POLR2B: variants seen among roughly 807,000 people sequenced by gnomAD.
POLR2B encodes RNA polymerase II subunit B, also known as DNA-directed RNA polymerase II subunit RPB2.
A neutral mutation model predicts 144.6 loss-of-function variants in POLR2B; 57 were observed. The observed-to-expected ratio is 0.39, with a 90% CI of 0.32 to 0.49. The LOEUF is 0.49. Among genes scored for constraint, POLR2B ranks in the 20% least tolerant of loss-of-function variants. The pLI is 0.83. For missense variants in POLR2B, 595 were observed against 1,467.4 expected, an observed-to-expected ratio of 0.41 and a Z score of 9.71; for synonymous variants, 442 against 469.8, an observed-to-expected ratio of 0.94 and a Z score of 0.77.
At chr4:57,006,733 G>A (rs1237164854) in intron 9 of POLR2B, 83 bp from the exon 10 acceptor site, 10 of 1,092,508 alleles carry the variant, frequency 9.2e-6, no homozygotes, top group South Asian at 8.1e-5. Context: ...CCTTCCCCAC[G>A]CTTTTTTTTG....
intron 1 of POLR2B, among the ~76,000 whole-genome samples, chr4:56,985,857 G>A (rs993233243): frequency 2.0e-5 from 3 of 152,202 alleles, no homozygotes; most frequent in Non-Finnish European, 4.4e-5. Context: ...CAAGGAGAGG[G>A]TGCATAGACC....
chr4:57,006,783 A>T, intron 9 of POLR2B, 33 bp from the exon 10 acceptor site: 2 of 1,531,416 alleles, frequency 1.3e-6, no homozygotes, highest in East Asian at 2.3e-5. Flanking sequence ...GTAGACCTCT[A>T]CATGTTTAAA....
At chr4:56,987,733 T>A (rs1722375929) in intron 2 of POLR2B, among the ~76,000 whole-genome samples, 2 of 151,744 alleles carry the variant, frequency 1.3e-5, no homozygotes, top group African/African-American at 4.8e-5. Context: ...AATACAAAAA[T>A]TAGATGGGTG....
chr4:56,983,898 A>G (rs1488841217), intron 1 of POLR2B, among the ~76,000 whole-genome samples: 2 of 142,172 alleles, frequency 1.4e-5, no homozygotes, highest in South Asian at 4.5e-4. Context: ...ACAGGGTCGC[A>G]CTCTCACCCA....
intron 17 of POLR2B, among the ~76,000 whole-genome samples, chr4:57,021,830 A>G (rs1359946100): frequency 6.6e-6 from 1 of 152,136 alleles, no homozygotes; most frequent in African/African-American, 2.4e-5. Flanking sequence ...GAAGTGTTTG[A>G]GTAGAACCTA....
chr4:57,028,624 T>TA (rs1723799462), intron 23 of POLR2B, among the ~76,000 whole-genome samples: 1 of 152,206 alleles, frequency 6.6e-6, no homozygotes, highest in South Asian at 2.1e-4. Context: ...TGAGTTCTGC[T>TA]AAGGTGTCAG....
At chr4:56,996,206 A>ATATGTGTGTGTGTGTG (rs71889513) in intron 6 of POLR2B, among the ~76,000 whole-genome samples, 288 of 115,312 alleles carry the variant, frequency 2.5e-3, no homozygotes, top group Middle Eastern at 4.3e-3. Flanking sequence ...ATTTCAGTTC[A>ATATGTGTGTGTGTGTG]TGTGTGTGTG....
chr4:56,994,382 A>G, intron 3 of POLR2B, 22 bp from the exon 4 acceptor site: 5 of 1,227,442 alleles, frequency 4.1e-6, no homozygotes, highest in South Asian at 2.5e-5. Flanking sequence ...TACCCTTTTC[A>G]TGTTTTTTTG....
chr4:56,997,116 A>G (rs1394571810), intron 6 of POLR2B, among the ~76,000 whole-genome samples: 2 of 152,174 alleles, frequency 1.3e-5, no homozygotes, highest in Non-Finnish European at 2.9e-5. Flanking sequence ...GAGAAAAAAA[A>G]GAATGGTTTT....
At chr4:56,992,466 A>G (rs1476105721) in intron 3 of POLR2B, among the ~76,000 whole-genome samples, 1 of 123,194 alleles carries the variant, frequency 8.1e-6, no homozygotes, top group Non-Finnish European at 1.7e-5. Context: ...CTCTGTCTCA[A>G]AAAAAAAAAA....
intron 1 of POLR2B, among the ~76,000 whole-genome samples, chr4:56,979,239 C>G (rs761424785): frequency 6.6e-6 from 1 of 152,152 alleles, no homozygotes; most frequent in South Asian, 2.1e-4. Flanking sequence ...CTTTCTCGTT[C>G]CGTTAGATCT....
intron 7 of POLR2B, 43 bp from the exon 8 acceptor site, chr4:57,005,203 C>T (rs761270743): frequency 8.4e-7 from 1 of 1,188,838 alleles, no homozygotes; most frequent in Non-Finnish European, 1.1e-6. Flanking sequence ...TTTAAGGTAG[C>T]AACATGAATT....
At chr4:56,983,983 G>C (rs191306543) in intron 1 of POLR2B, among the ~76,000 whole-genome samples, 9 of 151,636 alleles carry the variant, frequency 5.9e-5, no homozygotes, top group African/African-American at 2.2e-4. Flanking sequence ...TCCTGCCTCA[G>C]CCTTCCTAGT....
At position 57,023,474 on chromosome 4, in the gene POLR2B, A is replaced by G; in HGVS notation, c.2660A>G (p.Tyr887Cys). The stretch of plus-strand genomic sequence containing the variant: ...GAATTGGAGAGCACCAATAGACGCT[A>G]TACCAAGAGAGACTGTAGCACTTTT... The part of the protein sequence containing the change: ...EDELESTNRR[Y>C]TKRDCSTFLR... Residue 887 changes from tyrosine to cysteine, a missense_variant, in exon 19 of 25, where the codon TAT becomes TGT. Around this residue, in one of 9 missense-constraint regions of POLR2B, gnomAD observed 75 missense variants for 100.0 expected, o/e 0.75. Coordinates refer to ENST00000314595, the MANE Select transcript of POLR2B (RefSeq NM_000938.3). The surrounding 1 kb of genome is among the most constrained non-coding windows in gnomAD (Gnocchi z 4.3). The G allele has an allele frequency of 6.2e-7, 1 of 1,614,116 alleles. No homozygotes were observed. The highest frequency in any genetic ancestry group is 2.2e-5 in the East Asian group (1 of 44,878).
intron 16 of POLR2B, among the ~76,000 whole-genome samples, chr4:57,019,870 A>G (rs1320073434): frequency 2.0e-5 from 3 of 150,150 alleles, no homozygotes; most frequent in Non-Finnish European, 4.4e-5. Flanking sequence ...ATTTAATTGC[A>G]TGGTTCTTTA....
chr4:56,991,582 C>T (rs941364148), intron 3 of POLR2B, among the ~76,000 whole-genome samples: 2 of 152,158 alleles, frequency 1.3e-5, no homozygotes, highest in African/African-American at 4.8e-5. Flanking sequence ...GAGCTAGACA[C>T]AGGGAGAGTT....
At chr4:56,999,058 A>T (rs1290156503) in intron 6 of POLR2B, among the ~76,000 whole-genome samples, 1 of 152,188 alleles carries the variant, frequency 6.6e-6, no homozygotes, top group Admixed American at 6.6e-5. Context: ...CGTACAATTA[A>T]AGAGGGAGAA....
intron 17 of POLR2B, 81 bp downstream of exon 17, chr4:57,021,076 G>GT: frequency 1.2e-6 from 1 of 803,208 alleles, no homozygotes; most frequent in East Asian, 2.5e-5. Flanking sequence ...TTAAAATACA[G>GT]TTTAACTACG....
intron 21 of POLR2B, among the ~76,000 whole-genome samples, chr4:57,024,561 A>G (rs1219451364): frequency 6.6e-6 from 1 of 152,192 alleles, no homozygotes; most frequent in Non-Finnish European, 1.5e-5. Context: ...CCTTTGAGCC[A>G]TCTGAAGTAC....
Sources: gnomAD v4.1 joint callset for allele counts (sites outside exome capture counted in the v4.1 genomes callset) on GRCh38, gnomAD v4.1.1 for gene constraint, gnomAD v4.1.1 regional missense constraint, Gnocchi (gnomAD v3.1) non-coding constraint, MANE v1.5 for transcripts, NCBI Gene and HGNC (gene_info 2026-07-23, HGNC 2026-07-21) for gene names.